CELF2: variants seen among roughly 807,000 people sequenced by gnomAD.
CELF2 encodes the protein CUG triplet repeat RNA-binding protein 2.
A neutral mutation model predicts 62.6 loss-of-function variants in CELF2; 8 were observed. That is an observed-to-expected ratio of 0.13 (90% CI 0.07 to 0.23). The LOEUF is 0.23. CELF2 is among the 10% of genes least tolerant of loss of function. CELF2 has a pLI of 1.00. For missense variants in CELF2, 333 were observed against 671.0 expected (o/e 0.50, Z 5.56); for synonymous variants, 258 against 250.0 (o/e 1.03, Z -0.30).
intron 1 of CELF2, among the ~76,000 whole-genome samples, chr10:10,850,726 A>G (rs948665546): frequency 2.0e-5 from 3 of 152,228 alleles, no homozygotes; most frequent in African/African-American, 7.2e-5. Flanking sequence ...AATCTTCACA[A>G]TAACCTAATG....
chr10:11,172,580 G>A (rs898936189), intron 2 of CELF2, among the ~76,000 whole-genome samples: 11 of 152,042 alleles, frequency 7.2e-5, no homozygotes, highest in African/African-American at 2.4e-4. Flanking sequence ...TGTGCCCGTC[G>A]GTCACAGTGC....
intron 1 of CELF2, among the ~76,000 whole-genome samples, chr10:10,816,700 C>A (rs2056491087): frequency 6.6e-6 from 1 of 152,180 alleles, no homozygotes; most frequent in African/African-American, 2.4e-5. Flanking sequence ...ATTACTCAAG[C>A]TAATCATATG....
At chr10:11,141,560 A>C (rs2061359658) in intron 1 of CELF2, among the ~76,000 whole-genome samples, 2 of 152,248 alleles carry the variant, frequency 1.3e-5, no homozygotes, top group Non-Finnish European at 2.9e-5. Flanking sequence ...GGGGGAGCCA[A>C]GTGGAAAACA....
the CELF2 span, among the ~76,000 whole-genome samples, chr10:10,668,491 C>T: frequency 3.3e-5 from 5 of 152,206 alleles, no homozygotes; most frequent in Admixed American, 1.3e-4. Flanking sequence ...GATGGATTCA[C>T]GGTACGCAGT....
At chr10:11,099,394 A>G (rs1319865239) in intron 1 of CELF2, among the ~76,000 whole-genome samples, 2 of 152,242 alleles carry the variant, frequency 1.3e-5, no homozygotes, top group South Asian at 2.1e-4. Flanking sequence ...CTGTTTTTCA[A>G]TAAATTCTGG....
chr10:10,764,010 A>G, the CELF2 span, among the ~76,000 whole-genome samples: 2 of 152,246 alleles, frequency 1.3e-5, no homozygotes, highest in African/African-American at 4.8e-5. Context: ...AGAGTTTTAA[A>G]TGGTAACCCA....
chr10:11,265,583 T>C (rs949377662), intron 5 of CELF2, among the ~76,000 whole-genome samples: 1 of 152,214 alleles, frequency 6.6e-6, no homozygotes. Flanking sequence ...TCTTTTTCTC[T>C]AAGAAGCCCA....
chr10:11,319,015 GTCC>G lies in CELF2; in HGVS notation c.1097-2171_1097-2169del. The G allele has an allele frequency of 2.1e-6, 1 of 471,044 alleles. No individual in the cohort carries two copies. The highest frequency in any genetic ancestry group is 4.4e-6 in the Non-Finnish European group (1 of 227,030). The allele number at this position is 471,044 out of a possible 1,614,324, so 29.2% of individuals were successfully genotyped here. ...GGAGACGAGCTGCTGTCTTCAGCCCGTCCTCGTCTGGCAGCAAGGCCCCACATG... is the reference window on the plus strand; with the variant it reads ...GGAGACGAGCTGCTGTCTTCAGCCCGTCGTCTGGCAGCAAGGCCCCACATG... On this transcript the variant is annotated intron_variant, in intron 10 of 12. Coordinates refer to ENST00000633077, the MANE Select transcript of CELF2 (RefSeq NM_001326342.2). This position sits in a 1 kb window ranked among gnomAD's most constrained non-coding sequence, Gnocchi z 4.4.
At chr10:11,111,348 A>AGTGGAT (rs1237581225) in intron 1 of CELF2, among the ~76,000 whole-genome samples, 1 of 152,188 alleles carries the variant, frequency 6.6e-6, no homozygotes, top group Non-Finnish European at 1.5e-5. Flanking sequence ...AGCTTCATAG[A>AGTGGAT]GTGGATTCTG....
At chr10:10,872,433 TG>T (rs2060809136) in intron 1 of CELF2, among the ~76,000 whole-genome samples, 1 of 152,250 alleles carries the variant, frequency 6.6e-6, no homozygotes, top group African/African-American at 2.4e-5. Context: ...GAGTGCTTTA[TG>T]GATTTTTTTA....
At chr10:10,754,539 G>A in the CELF2 span, among the ~76,000 whole-genome samples, 1 of 152,170 alleles carries the variant, frequency 6.6e-6, no homozygotes, top group Non-Finnish European at 1.5e-5. Flanking sequence ...GCATGATCAG[G>A]AAGAAGTGGT....
intron 2 of CELF2, among the ~76,000 whole-genome samples, chr10:11,205,664 C>G (rs2060258546): frequency 1.3e-5 from 2 of 152,206 alleles, no homozygotes; most frequent in African/African-American, 4.8e-5. Flanking sequence ...TCCAGCATCA[C>G]TTTGAAAACT....
At chr10:11,222,999 C>T (rs1427211834) in intron 3 of CELF2, among the ~76,000 whole-genome samples, 7 of 152,156 alleles carry the variant, frequency 4.6e-5, no homozygotes, top group South Asian at 4.1e-4. Context: ...AAGTTAAAGT[C>T]CTCCCCGTTC....
In CELF2 at chr10:11,143,705, C is replaced by T. The variant is rs568674532; in HGVS notation, c.75-21781C>T. Among the ~76,000 whole-genome samples the T allele has an allele frequency of 1.3e-3, 203 of 152,314 alleles. 2 individuals are homozygous for T. Among genetic ancestry groups the T allele is most frequent in the African/African-American group, 4.7e-3 (196 of 41,570 alleles). On this transcript the variant is annotated intron_variant, in intron 1 of 12. Coordinates refer to ENST00000633077, the MANE Select transcript of CELF2 (RefSeq NM_001326342.2). ...TTATTTCGCTATTTCAAAATGGCTA[C>T]CAAAGGCACCAGTCTTAGTATAGAC...
chr10:11,292,947 A>G (rs911319717), intron 9 of CELF2, among the ~76,000 whole-genome samples: 4 of 152,156 alleles, frequency 2.6e-5, no homozygotes, highest in Admixed American at 6.5e-5. Flanking sequence ...TCCTTGTACT[A>G]CTGGAACAGC....
chr10:10,625,784 C>G, the CELF2 span, among the ~76,000 whole-genome samples: 1 of 152,200 alleles, frequency 6.6e-6, no homozygotes, highest in Non-Finnish European at 1.5e-5. Context: ...GGCCCCGTCC[C>G]GTGATCTGAA....
chr10:11,257,474 C>CT (rs2079162008), intron 4 of CELF2: 3 of 334,830 alleles, frequency 9.0e-6, no homozygotes, highest in Admixed American at 4.0e-5. Flanking sequence ...GAGAAAAGAA[C>CT]TTAACAGCAT....
At chr10:11,108,882 T>C (rs12218382) in intron 1 of CELF2, among the ~76,000 whole-genome samples, 33,100 of 152,164 alleles carry the variant, frequency 0.22, 4,845 homozygotes, top group East Asian at 0.73. Context: ...CATTTTTCCA[T>C]TGGGTTTCTT....
At chr10:11,077,999 A>G (rs768171736) in intron 1 of CELF2, among the ~76,000 whole-genome samples, 2 of 152,188 alleles carry the variant, frequency 1.3e-5, no homozygotes, top group Non-Finnish European at 2.9e-5. Context: ...AATGCAAAAT[A>G]GAAATGAGAG....
Sources: allele counts gnomAD v4.1 joint callset (sites outside exome capture counted in the v4.1 genomes callset), GRCh38; gene constraint gnomAD v4.1.1; non-coding constraint Gnocchi (gnomAD v3.1); transcripts MANE v1.5; gene names NCBI Gene and HGNC (gene_info 2026-07-23, HGNC 2026-07-21).